Variants in DZIP3 observed in about 807,000 individuals in gnomAD.
The protein encoded by DZIP3 is DAZ interacting zinc finger protein 3.
DZIP3 carries 118 observed loss-of-function variants against 162.0 expected under a neutral mutation model. The observed-to-expected ratio is 0.73, with a 90% confidence interval of 0.63 to 0.85. The LOEUF is 0.85. DZIP3 is among the 40% of genes least tolerant of loss of function. DZIP3 has a pLI of 0.00. For synonymous variants in DZIP3, 438 were observed against 458.6 expected (o/e 0.96, Z 0.57); for missense variants, 1,331 against 1,407.0 (o/e 0.95, Z 0.86).
intron 4 of DZIP3, among the ~76,000 whole-genome samples, chr3:108,615,085 A>T (rs1940931000): frequency 6.6e-6 from 1 of 152,176 alleles, no homozygotes; most frequent in Non-Finnish European, 1.5e-5. Context: ...AAGCCTTGCA[A>T]ATCTGCTGAA....
chr3:108,656,141 G>A (rs1312377131), intron 19 of DZIP3, among the ~76,000 whole-genome samples: 2 of 152,200 alleles, frequency 1.3e-5, no homozygotes, highest in African/African-American at 4.8e-5. Flanking sequence ...GCTTTGAAGA[G>A]AGTAGTGGTT....
At chr3:108,629,449 C>G (rs1941729381) in intron 8 of DZIP3, among the ~76,000 whole-genome samples, 1 of 151,986 alleles carries the variant, frequency 6.6e-6, no homozygotes, top group African/African-American at 2.4e-5. Flanking sequence ...AACTTTTTTT[C>G]CTAATTATCT....
chr3:108,643,521 G>A (rs1233513088), intron 13 of DZIP3, among the ~76,000 whole-genome samples: 2 of 151,498 alleles, frequency 1.3e-5, no homozygotes, highest in African/African-American at 4.9e-5. Context: ...TCAGGTGGAT[G>A]CTTGATGCTG....
At chr3:108,618,658 TGA>T (rs1941150188) in intron 5 of DZIP3, among the ~76,000 whole-genome samples, 1 of 152,196 alleles carries the variant, frequency 6.6e-6, no homozygotes, top group South Asian at 2.1e-4. Context: ...CTATCTCCAC[TGA>T]GATCAGTTTG....
chr3:108,589,517 A>C (rs1939246094), upstream of DZIP3: 3 of 577,518 alleles, frequency 5.2e-6, no homozygotes, highest in Non-Finnish European at 9.1e-6. Flanking sequence ...GGAAGTCCCT[A>C]GGCACCCTAG....
chr3:108,632,952 G>T lies in DZIP3; in HGVS notation c.697-1G>T. On this transcript the variant is annotated splice_acceptor_variant, in intron 8 of 32. Coordinates refer to ENST00000361582, the MANE Select transcript of DZIP3 (RefSeq NM_014648.4). LOFTEE classifies it high-confidence loss of function. ...GAATTCTTTCTGTTTTTAAAATCTA[G>T]GATCTTCTTAATAATTTTATCAAGA... 2.9e-6 allele frequency: 4 copies of T among 1,378,468 alleles called. No homozygotes were observed. Among genetic ancestry groups the T allele is most frequent in the Admixed American group, 4.9e-5 (2 of 40,542 alleles). 85.4% of individuals were successfully genotyped at this position (1,378,468 alleles called of 1,614,324 possible). A position where few individuals can be genotyped will look rare whatever the true frequency, so the allele number is the denominator to read the frequency against.
intron 2 of DZIP3, among the ~76,000 whole-genome samples, chr3:108,605,899 T>C (rs1940321804): frequency 1.3e-5 from 2 of 152,330 alleles, no homozygotes; most frequent in East Asian, 3.9e-4. Flanking sequence ...ACCCTTATGC[T>C]TCAAGACATT....
At chr3:108,595,199 G>T (rs1469728215) in intron 1 of DZIP3, among the ~76,000 whole-genome samples, 1 of 152,090 alleles carries the variant, frequency 6.6e-6, no homozygotes, top group East Asian at 1.9e-4. Flanking sequence ...ATTTCTCTTT[G>T]TGATTTTGTT....
chr3:108,631,091 T>TCC (rs1941862248), intron 8 of DZIP3, among the ~76,000 whole-genome samples: 2 of 147,568 alleles, frequency 1.4e-5, no homozygotes, highest in South Asian at 4.4e-4. Context: ...TCTCTCTCTC[T>TCC]CTCCTATCCT....
At chr3:108,600,329 G>A (rs765852078) in intron 1 of DZIP3, among the ~76,000 whole-genome samples, 8 of 148,066 alleles carry the variant, frequency 5.4e-5, no homozygotes, top group Admixed American at 1.4e-4. Flanking sequence ...TGGTATTACA[G>A]CATTGTTTGT....
At chr3:108,589,530 G>T (rs934522363), upstream of DZIP3, 3 of 544,488 alleles carry the variant, frequency 5.5e-6, no homozygotes, top group African/African-American at 5.8e-5. Flanking sequence ...CACCCTAGGG[G>T]ACCGTTCTCG....
chr3:108,642,857 T>C (rs958699578), intron 13 of DZIP3, among the ~76,000 whole-genome samples: 17 of 152,150 alleles, frequency 1.1e-4, no homozygotes, highest in Non-Finnish European at 1.9e-4. Flanking sequence ...AGAGTACCCT[T>C]ACATGAAAGG....
At chr3:108,663,259 A>G (rs540505034) in intron 21 of DZIP3, among the ~76,000 whole-genome samples, 1 of 152,200 alleles carries the variant, frequency 6.6e-6, no homozygotes, top group African/African-American at 2.4e-5. Context: ...GCAATCACTT[A>G]AGAAACTTTA....
intron 2 of DZIP3, 132 bp downstream of exon 2, chr3:108,605,570 A>T: frequency 1.1e-6 from 1 of 892,732 alleles, no homozygotes; most frequent in South Asian, 1.6e-5. Context: ...CAGGCATTAG[A>T]TTCTCACAAG....
intron 32 of DZIP3, 198 bp downstream of exon 32, chr3:108,691,101 T>C (rs1345043442): frequency 2.7e-5 from 14 of 522,398 alleles, no homozygotes; most frequent in South Asian, 2.6e-5. Context: ...GGAATTTTAA[T>C]AGTTACACTA....
At chr3:108,618,707 A>G (rs1013320225) in intron 5 of DZIP3, among the ~76,000 whole-genome samples, 4 of 152,290 alleles carry the variant, frequency 2.6e-5, no homozygotes, top group African/African-American at 9.6e-5. Flanking sequence ...TATCTCCTCA[A>G]TGAATACTGT....
At chr3:108,653,539 A>ATATATATATATATG in intron 18 of DZIP3, among the ~76,000 whole-genome samples, 1 of 139,252 alleles carries the variant, frequency 7.2e-6, no homozygotes, top group Non-Finnish European at 1.6e-5. Flanking sequence ...ATATATATAT[A>ATATATATATATATG]TATGTAGTAT....
chr3:108,595,153 T>C (rs1396389554), intron 1 of DZIP3, among the ~76,000 whole-genome samples: 1 of 152,214 alleles, frequency 6.6e-6, no homozygotes, highest in Non-Finnish European at 1.5e-5. Flanking sequence ...AAATATTAAG[T>C]ATCCACTTCC....
At chr3:108,593,563 A>G (rs987312479) in intron 1 of DZIP3, among the ~76,000 whole-genome samples, 2 of 152,166 alleles carry the variant, frequency 1.3e-5, no homozygotes, top group African/African-American at 4.8e-5. Flanking sequence ...AATAAGAATC[A>G]TAGAAATTAT....
Sources: gnomAD v4.1 joint callset for allele counts (sites outside exome capture counted in the v4.1 genomes callset) on GRCh38, gnomAD v4.1.1 for gene constraint, MANE v1.5 for transcripts, NCBI Gene and HGNC (gene_info 2026-07-23, HGNC 2026-07-21) for gene names.